The following PDHX variants were observed in gnomAD, a reference collection of about 807,000 sequenced individuals.
The protein encoded by PDHX is pyruvate dehydrogenase complex component X.
PDHX carries 33 observed loss-of-function variants against 55.3 expected under a neutral mutation model. The observed-to-expected ratio is 0.60, with a 90% CI of 0.45 to 0.80. PDHX has a LOEUF of 0.80. PDHX is among the 30% of genes least tolerant of loss of function. PDHX has a pLI of 0.00. For missense variants in PDHX, 622 were observed against 619.9 expected, an observed-to-expected ratio of 1.00 and a Z score of -0.04; for synonymous variants, 226 against 219.4, an observed-to-expected ratio of 1.03 and a Z score of -0.27.
chr11:34,916,540 C>G, upstream of PDHX: 1 of 1,487,344 alleles, frequency 6.7e-7, no homozygotes, highest in Non-Finnish European at 8.9e-7. Flanking sequence ...GGGTTCAAGT[C>G]TGAGAGACCT....
chr11:34,957,340 C>T, intron 3 of PDHX, 44 bp from the exon 4 acceptor site: 1 of 1,262,454 alleles, frequency 7.9e-7, no homozygotes, highest in Non-Finnish European at 1.2e-6. Context: ...TTAATGCAGT[C>T]ATGGGGTTTT....
At chr11:34,940,720 C>T (rs1854452596) in intron 2 of PDHX, among the ~76,000 whole-genome samples, 1 of 152,156 alleles carries the variant, frequency 6.6e-6, no homozygotes, top group Non-Finnish European at 1.5e-5. Context: ...CATTTTTTTC[C>T]TCCCATCTCT....
intron 5 of PDHX, among the ~76,000 whole-genome samples, chr11:34,964,049 G>C (rs958761268): frequency 6.6e-6 from 1 of 152,196 alleles, no homozygotes; most frequent in African/African-American, 2.4e-5. Context: ...GAACCCAGTA[G>C]AGAAGGTTGT....
chr11:34,974,299 G>A (rs1855321209), intron 7 of PDHX, among the ~76,000 whole-genome samples: 1 of 152,074 alleles, frequency 6.6e-6, no homozygotes. Flanking sequence ...ATTCCACTTG[G>A]CATTATGTCT....
intron 3 of PDHX, among the ~76,000 whole-genome samples, chr11:34,955,504 A>G (rs911702221): frequency 1.3e-5 from 2 of 152,196 alleles, no homozygotes; most frequent in African/African-American, 4.8e-5. Context: ...GTATGGTTGT[A>G]TATCACTTGT....
chr11:34,996,045 T>C lies in PDHX; in HGVS notation c.*873T>C, dbSNP rs1192703146. On this transcript the variant is annotated 3_prime_UTR_variant, in exon 11 of 11. Coordinates refer to ENST00000227868, the MANE Select transcript of PDHX (RefSeq NM_003477.3). The stretch of plus-strand genomic sequence containing the variant: ...TTTAAATCAGTTTTGTATTGTGCAG[T>C]AAAATGTGAGAAAATATAAACATTT... 1.3e-5 allele frequency: 2 copies of C among 152,192 alleles called. No individual in the cohort carries two copies. The highest frequency in any genetic ancestry group is 3.8e-4 in the East Asian group (2 of 5,208). 9.4% of individuals were successfully genotyped at this position (152,192 alleles called of 1,614,324 possible).
At chr11:34,936,740 C>G (rs1217167984) in intron 2 of PDHX, among the ~76,000 whole-genome samples, 3 of 150,056 alleles carry the variant, frequency 2.0e-5, no homozygotes, top group African/African-American at 7.4e-5. Context: ...CAAAATAGAT[C>G]CACATTCATG....
chr11:34,975,148 T>C (rs1377461458), intron 7 of PDHX, among the ~76,000 whole-genome samples: 1 of 151,772 alleles, frequency 6.6e-6, no homozygotes, highest in East Asian at 1.9e-4. Context: ...ATTTGTTCCA[T>C]TGTATATGAT....
In PDHX at chr11:34,917,104, C is replaced by T. The variant is rs1887229; in HGVS notation, c.160+289C>T. Among the ~76,000 whole-genome samples, 734 of 152,250 alleles carry T rather than the reference C, an allele frequency of 4.8e-3. 20 individuals carry two copies. Among genetic ancestry groups the T allele is most frequent in the Admixed American group, 0.044 (668 of 15,294 alleles). On this transcript the variant is annotated intron_variant, in intron 1 of 10. Transcript: ENST00000227868. Reference sequence around the variant, plus strand: ...GAGGCGCAGAGAGGGTTCCCAAACTCTCCTCCCTCAGCCCCCTTTCCAATC... The same window carrying T: ...GAGGCGCAGAGAGGGTTCCCAAACTTTCCTCCCTCAGCCCCCTTTCCAATC...
intron 7 of PDHX, among the ~76,000 whole-genome samples, chr11:34,971,220 G>A (rs1427296409): frequency 6.6e-6 from 1 of 151,986 alleles, no homozygotes; most frequent in East Asian, 1.9e-4. Context: ...TTATAAATAA[G>A]GTTGCTGAGA....
intron 9 of PDHX, among the ~76,000 whole-genome samples, chr11:34,988,202 G>A (rs1365984901): frequency 6.6e-6 from 1 of 152,158 alleles, no homozygotes; most frequent in Non-Finnish European, 1.5e-5. Context: ...AGTTCTAGAA[G>A]TATTTGTACT....
In PDHX at chr11:34,981,718, G is replaced by A. The variant is rs566129471; in HGVS notation, c.1024-2852G>A. 8.4e-4 allele frequency among the ~76,000 whole-genome samples: 128 copies of A among 152,118 alleles called. 3 individuals are homozygous for A. The South Asian group carries it at 0.026, about 30-fold the overall frequency. ...CTAACTGGTGTGAGATGGTATCTCAGTGTGGTTTTGATTTGCATTTCTTTG... is the reference window on the plus strand; with the variant it reads ...CTAACTGGTGTGAGATGGTATCTCAATGTGGTTTTGATTTGCATTTCTTTG... On this transcript the variant is annotated intron_variant, in intron 8 of 10. Coordinates refer to ENST00000227868, the MANE Select transcript of PDHX (RefSeq NM_003477.3).
At chr11:34,993,485 T>A (rs182553662) in intron 10 of PDHX, among the ~76,000 whole-genome samples, 4 of 152,268 alleles carry the variant, frequency 2.6e-5, no homozygotes, top group African/African-American at 9.6e-5. Context: ...TAATGTGAAG[T>A]TTCAAGTGCT....
chr11:34,935,634 T>C (rs940009197), intron 2 of PDHX, among the ~76,000 whole-genome samples: 2 of 152,138 alleles, frequency 1.3e-5, no homozygotes, highest in Non-Finnish European at 2.9e-5. Flanking sequence ...TAAACTATTG[T>C]GGAGGAAAGA....
chr11:34,937,496 C>T (rs987013528), intron 2 of PDHX, among the ~76,000 whole-genome samples: 4 of 143,056 alleles, frequency 2.8e-5, no homozygotes, highest in Non-Finnish European at 6.0e-5. Flanking sequence ...GAAGGGAAAT[C>T]AAGAATCAGA....
At chr11:34,916,490 A>T (rs1412916054), upstream of PDHX, 17 of 1,445,886 alleles carry the variant, frequency 1.2e-5, no homozygotes. Context: ...CCGGGAGGCA[A>T]GGCCAACGTG....
intron 5 of PDHX, among the ~76,000 whole-genome samples, chr11:34,964,750 G>A (rs894698617): frequency 7.5e-5 from 11 of 145,742 alleles, no homozygotes; most frequent in Non-Finnish European, 6.0e-5. Flanking sequence ...TAAAGTAGCA[G>A]TAATAGTTAT....
intron 1 of PDHX, among the ~76,000 whole-genome samples, chr11:34,930,059 T>C (rs12294047): frequency 0.19 from 28,832 of 152,214 alleles, 3,908 homozygotes; most frequent in African/African-American, 0.39. Flanking sequence ...GCCTCATACC[T>C]GGTGGGCCCT....
At chr11:34,922,950 TCTC>T (rs1026253403) in intron 1 of PDHX, among the ~76,000 whole-genome samples, 1 of 151,834 alleles carries the variant, frequency 6.6e-6, no homozygotes, top group African/African-American at 2.4e-5. Flanking sequence ...TTTTGGCTCT[TCTC>T]CCAAGATGGC....
Sources: gnomAD v4.1 joint callset for allele counts (sites outside exome capture counted in the v4.1 genomes callset) on GRCh38, gnomAD v4.1.1 for gene constraint, MANE v1.5 for transcripts, NCBI Gene and HGNC (gene_info 2026-07-23, HGNC 2026-07-21) for gene names.